Variants in CLASRP observed in about 807,000 individuals in gnomAD.
The protein encoded by CLASRP is CLK4 associating serine/arginine rich protein.
A neutral mutation model predicts 99.9 loss-of-function variants in CLASRP; 52 were observed. The ratio of observed to expected loss-of-function variants is 0.52; its 90% CI spans 0.42 to 0.66. The LOEUF is 0.66. Ranked by LOEUF, CLASRP falls within the 30% of genes least tolerant of loss-of-function variation. The pLI is 0.00. For missense variants in CLASRP, 848 were observed against 999.2 expected (o/e 0.85, Z 2.04); for synonymous variants, 379 against 373.0 (o/e 1.02, Z -0.18).
chr19:45,051,961 C>T (rs1600100053), intron 2 of CLASRP, 110 bp from the exon 3 acceptor site: 2 of 775,400 alleles, frequency 2.6e-6, no homozygotes, highest in Non-Finnish European at 4.3e-6. Flanking sequence ...GAGTGAGGCT[C>T]CATCTCAAAA....
chr19:45,047,281 C>T (rs945098381), intron 2 of CLASRP, among the ~76,000 whole-genome samples: 3 of 151,938 alleles, frequency 2.0e-5, no homozygotes, highest in African/African-American at 4.8e-5. Flanking sequence ...CGCAAAAAGA[C>T]AGTATTGTAT....
intron 2 of CLASRP, among the ~76,000 whole-genome samples, chr19:45,041,379 A>G (rs188122702): frequency 2.0e-5 from 3 of 152,258 alleles, no homozygotes; most frequent in Non-Finnish European, 4.4e-5. Context: ...CTGACCACTC[A>G]GCTTCATACT....
Position 45,067,390 on chromosome 19 carries a change from A to C in CLASRP, c.1463A>C (p.His488Pro). ...RYRRGGRGLR[H>P]HSSSRSRSSW... Reference sequence around the variant, plus strand: ...AGGCGGGGCGGCCGGGGCCTCAGGCACCACAGCAGTAGCCGCAGCCGCAGC... The same window carrying C: ...AGGCGGGGCGGCCGGGGCCTCAGGCCCCACAGCAGTAGCCGCAGCCGCAGC... The change falls in exon 14 of 21, where the codon CAC (histidine) becomes CCC (proline). Residue 488 changes from histidine to proline, a missense_variant. This residue lies in a region of CLASRP where 489 missense variants were observed against 434.7 expected (regional missense o/e 1.12). Coordinates refer to ENST00000221455, the MANE Select transcript of CLASRP (RefSeq NM_007056.3). The surrounding 1 kb of genome is among the most constrained non-coding windows in gnomAD (Gnocchi z 4.9). 6.5e-7 allele frequency: 1 copy of C among 1,534,176 alleles called. No individual in the cohort carries two copies.
intron 18 of CLASRP, 74 bp downstream of exon 18, chr19:45,069,322 C>G: frequency 6.8e-7 from 1 of 1,476,930 alleles, no homozygotes; most frequent in South Asian, 1.1e-5. Context: ...GGGCTGCTGG[C>G]TCAAGCCCTG....
intron 7 of CLASRP, 130 bp downstream of exon 7, chr19:45,058,028 C>G: frequency 8.6e-7 from 1 of 1,161,144 alleles, no homozygotes. Flanking sequence ...CCAGGGCACA[C>G]CAGCCTCCTG....
intron 2 of CLASRP, among the ~76,000 whole-genome samples, chr19:45,041,209 G>A (rs533171444): frequency 3.5e-5 from 5 of 143,268 alleles, no homozygotes; most frequent in African/African-American, 8.0e-5. Flanking sequence ...CAGCCTGGGC[G>A]ACAGCGAGAC....
rs570709299 is a variant in CLASRP, at chr19:45,069,097, G to A, written c.1800G>A (p.Lys600=). 2.6e-5 allele frequency: 42 copies of A among 1,614,108 alleles called. No individual in the cohort carries two copies. The South Asian group carries it at 4.6e-4, about 18-fold the overall frequency. ...FKADKKAAQE[K]MIQQEHERQE... is the part of the protein sequence containing the mutation. ...CGGATAAGAAGGCGGCACAAGAAAA[G>A]ATGATCCAGCAGGAGCATGAGCGGC... The change falls in exon 17 of 21, where the codon AAG becomes AAA. Residue 600 remains lysine (K), a synonymous_variant. Transcript: ENST00000221455.
At chr19:45,065,646 C>T (rs1967069284) in intron 13 of CLASRP, among the ~76,000 whole-genome samples, 2 of 151,988 alleles carry the variant, frequency 1.3e-5, no homozygotes, top group African/African-American at 4.8e-5. Context: ...AATAAAGTCA[C>T]CTGGGGACTG....
chr19:45,064,563 C>G lies in CLASRP; in HGVS notation c.1342C>G (p.Arg448Gly), dbSNP rs1175731603. ...RGRRHSGGGS[R>G]DGHRYSRSPA... ...CCGGCGGCACTCAGGTGGGGGCTCC[C>G]GAGACGGACACCGGTACTCCCGCTC... The change falls in exon 13 of 21, where the codon CGA (arginine) becomes GGA (glycine). Residue 448 changes from arginine to glycine, a missense_variant. Physicochemically the swap from Arg to Gly is moderately radical, Grantham distance 125 (BLOSUM62 -2). Coordinates refer to ENST00000221455, the MANE Select transcript of CLASRP (RefSeq NM_007056.3). 1.9e-6 allele frequency: 3 copies of G among 1,539,826 alleles called. No individual in the cohort carries two copies. The highest frequency in any genetic ancestry group is 2.6e-6 in the Non-Finnish European group (3 of 1,147,164).
At position 45,049,438 on chromosome 19, in the gene CLASRP, G is replaced by A. The variant is rs371501563; in HGVS notation, c.100-2633G>A. The stretch of plus-strand genomic sequence containing the variant: ...AGCAGCGCCACCTCGCTGGGCCTGT[G>A]GTCTTGAGTGTTCCTTAGACTCAGT... On this transcript the variant is annotated intron_variant, in intron 2 of 20. Coordinates refer to ENST00000221455, the MANE Select transcript of CLASRP (RefSeq NM_007056.3). Among the ~76,000 whole-genome samples, 6 of 152,304 alleles carry A rather than the reference G, an allele frequency of 3.9e-5. No individual in the cohort carries two copies. The South Asian group carries it at 1.0e-3, about 26-fold the overall frequency.
chr19:45,053,946 A>G (rs1004757596), intron 5 of CLASRP, among the ~76,000 whole-genome samples: 2 of 152,160 alleles, frequency 1.3e-5, no homozygotes, highest in South Asian at 4.1e-4. Flanking sequence ...ACCTCTGTGT[A>G]TTTTACTCTG....
In CLASRP at chr19:45,064,401, T is replaced by C. The variant is rs1967024633; in HGVS notation, c.1180T>C (p.Ser394Pro). The C allele has an allele frequency of 6.5e-7, 1 of 1,531,014 alleles. No individual in the cohort carries two copies. Among genetic ancestry groups the C allele is most frequent in the Non-Finnish European group, 8.8e-7 (1 of 1,141,998 alleles). The allele number at this position is 1,531,014 out of a possible 1,614,324, so 94.8% of individuals were successfully genotyped here. A position where few individuals can be genotyped will look rare whatever the true frequency, so the allele number is the denominator to read the frequency against. ...TGCCTCGAGGACCTCCAGCTCCCGC[T>C]CCAGCTCTCGCTCCAGCTCCCGCTC... ...SSASRTSSSRSSSRSSSRSRR... is the reference protein window; with the variant it reads ...SSASRTSSSRPSSRSSSRSRR... Residue 394 changes from serine (S) to proline (P), a missense_variant, in exon 13 of 21, where the codon TCC becomes CCC. Physicochemically the swap from Ser to Pro is moderately conservative, Grantham distance 74. Coordinates refer to ENST00000221455, the MANE Select transcript of CLASRP (RefSeq NM_007056.3).
intron 1 of CLASRP, chr19:45,039,523 C>T (rs1313982890): frequency 6.6e-6 from 1 of 152,668 alleles, no homozygotes; most frequent in Non-Finnish European, 1.5e-5. Flanking sequence ...GCTCTACGCT[C>T]TTTTTCTTTG....
intron 18 of CLASRP, 36 bp from the exon 19 acceptor site, chr19:45,069,986 T>C (rs1304950387): frequency 8.4e-7 from 1 of 1,194,964 alleles, no homozygotes; most frequent in Non-Finnish European, 1.3e-6. Flanking sequence ...GTGTGTCCAG[T>C]GTTCCCGGCC....
intron 16 of CLASRP, among the ~76,000 whole-genome samples, chr19:45,068,713 C>T (rs957263239): frequency 6.6e-6 from 1 of 152,194 alleles, no homozygotes; most frequent in Non-Finnish European, 1.5e-5. Flanking sequence ...GAGAGTGGGG[C>T]TCTTAGCGGG....
Position 45,062,193 on chromosome 19 carries a change from G to T in CLASRP, c.903G>T (p.Lys301Asn). 1 of 1,514,804 alleles carries T rather than the reference G, an allele frequency of 6.6e-7. No homozygotes were observed. The highest frequency in any genetic ancestry group is 9.2e-7 in the Non-Finnish European group (1 of 1,089,618). 93.8% of individuals were successfully genotyped at this position (1,514,804 alleles called of 1,614,324 possible). ...ACAGCCCCACCTATGACCCCTATAA[G>T]CGGTAAGTTGCTCTGGAGGACCAGG... ...RRDSPTYDPY[K>N]RSPSESSSES... The change falls in exon 11 of 21, where the codon AAG becomes AAT. Residue 301 changes from lysine to asparagine, a missense_variant and splice_region_variant. Physicochemically the swap from Lys to Asn is moderately conservative, Grantham distance 94 (BLOSUM62 0). Around this residue, in one of 8 missense-constraint regions of CLASRP, gnomAD observed 489 missense variants for 434.7 expected, o/e 1.12. Coordinates refer to ENST00000221455, the MANE Select transcript of CLASRP (RefSeq NM_007056.3).
chr19:45,059,416 ATC>A lies in CLASRP; in HGVS notation c.710+55_710+56del. 7 of 1,406,418 alleles carry A rather than the reference ATC, an allele frequency of 5.0e-6. No homozygotes were observed. The South Asian group carries it at 8.6e-5, about 17-fold the overall frequency. The allele number at this position is 1,406,418 out of a possible 1,614,324, so 87.1% of individuals were successfully genotyped here. A position where few individuals can be genotyped will look rare whatever the true frequency, so the allele number is the denominator to read the frequency against. The stretch of plus-strand genomic sequence containing the variant: ...CCCATTCTGTGGGCCCCACCCTGGC[ATC>A]TCACTATTACTCCCGGTATTGACAG... On this transcript the variant is annotated intron_variant, in intron 8 of 20. Coordinates refer to ENST00000221455, the MANE Select transcript of CLASRP (RefSeq NM_007056.3).
intron 2 of CLASRP, among the ~76,000 whole-genome samples, chr19:45,042,983 A>G (rs758593846): frequency 6.6e-6 from 1 of 152,192 alleles, no homozygotes; most frequent in Non-Finnish European, 1.5e-5. Flanking sequence ...AGTTTCACAT[A>G]TAAGTACTTT....
intron 15 of CLASRP, 98 bp from the exon 16 acceptor site, chr19:45,068,322 C>G (rs1450202252): frequency 1.9e-5 from 6 of 317,372 alleles, no homozygotes; most frequent in Non-Finnish European, 3.4e-5. Context: ...CCCCCCCCCA[C>G]CCCCCCCCCG....
Sources: allele counts gnomAD v4.1 joint callset (sites outside exome capture counted in the v4.1 genomes callset), GRCh38; gene constraint gnomAD v4.1.1; regional missense constraint gnomAD v4.1.1; non-coding constraint Gnocchi (gnomAD v3.1); transcripts MANE v1.5; gene names NCBI Gene and HGNC (gene_info 2026-07-23, HGNC 2026-07-21).